NOP10: variants seen among roughly 807,000 people sequenced by gnomAD.
NOP10 encodes the protein NOP10 ribonucleoprotein, also known as H/ACA ribonucleoprotein complex subunit 3.
In NOP10, 6 loss-of-function variants were observed where a neutral mutation model predicts 9.5. That is an observed-to-expected ratio of 0.63 (90% CI 0.35 to 1.25). NOP10 has a LOEUF of 1.25. NOP10 is among the 50% of genes most tolerant of loss of function. The pLI is 0.03. For missense variants in NOP10, 75 were observed against 81.3 expected, an observed-to-expected ratio of 0.92 and a Z score of 0.30; for synonymous variants, 28 against 30.7, an observed-to-expected ratio of 0.91 and a Z score of 0.29.
At chr15:34,342,916 T>C (rs970800725) in intron 1 of NOP10, 104 bp downstream of exon 1, 21 of 1,117,198 alleles carry the variant, frequency 1.9e-5, no homozygotes, top group Non-Finnish European at 2.9e-5. Flanking sequence ...TTCTGGACTT[T>C]CTGGTTCCCC....
chr15:34,342,056 G>A lies in NOP10; in HGVS notation c.107C>T (p.Ser36Phe). Residue 36 changes from serine to phenylalanine, a missense_variant, in exon 2 of 2, where the codon TCC (serine) becomes TTC (phenylalanine). Coordinates refer to ENST00000328848, the MANE Select transcript of NOP10 (RefSeq NM_018648.4). ...GTGTCGAGAGTATTTGTCATCTGGG[G>A]AGAACCGAGCAGGATGGGCTGAGCA... ...QTCSAHPARF[S>F]PDDKYSRHRI... 6.2e-7 allele frequency: 1 copy of A among 1,614,098 alleles called. No homozygotes were observed. The highest frequency in any genetic ancestry group is 8.5e-7 in the Non-Finnish European group (1 of 1,180,000).
chr15:34,342,564 T>TAA (rs750902937), intron 1 of NOP10, among the ~76,000 whole-genome samples: 26 of 102,736 alleles, frequency 2.5e-4, no homozygotes, highest in Middle Eastern at 4.8e-3. Context: ...TCCCTGTCTT[T>TAA]AAAAAAAAAA....
At position 34,341,935 on chromosome 15, in the gene NOP10, A is replaced by G. The variant is rs375648407; in HGVS notation, c.*33T>C. The stretch of plus-strand genomic sequence containing the variant: ...GGTTACGGAGTCTCCGAGGGGTAAC[A>G]GGTGGCAGAAAAGACATCAGTTTAA... On this transcript the variant is annotated 3_prime_UTR_variant, in exon 2 of 2. Coordinates refer to ENST00000328848, the MANE Select transcript of NOP10 (RefSeq NM_018648.4). The G allele has an allele frequency of 1.2e-5, 19 of 1,611,572 alleles. No homozygotes were observed. The highest frequency in any genetic ancestry group is 1.1e-4 in the African/African-American group (8 of 74,860).
rs1484933751 is a variant in NOP10, at chr15:34,343,012, C to G, written c.54+8G>C. ...CATGCCTATTTACACCCTGTTTTCT[C>G]TCCTCACCTTCAGCGTATAGACTCG... is the stretch of plus-strand genomic sequence containing the variant. On this transcript the variant is annotated splice_region_variant and intron_variant, in intron 1 of 1. Coordinates refer to ENST00000328848, the MANE Select transcript of NOP10 (RefSeq NM_018648.4). 1 of 1,613,368 alleles carries G rather than the reference C, an allele frequency of 6.2e-7. No individual in the cohort carries two copies. The highest frequency in any genetic ancestry group is 1.3e-5 in the African/African-American group (1 of 74,896).
At position 34,343,048 on chromosome 15, in the gene NOP10, T is replaced by C. The variant is rs780995453; in HGVS notation, c.26A>G (p.Glu9Gly). Residue 9 changes from glutamate (E) to glycine (G), a missense_variant, in exon 1 of 2, where the codon GAG becomes GGG. Transcript: ENST00000328848. MFLQYYLN[E>G]QGDRVYTLKK... ...CAGCGTATAGACTCGATCTCCCTGCTCGTTGAGGTAATACTGGAGAAACAT... is the reference window on the plus strand; with the variant it reads ...CAGCGTATAGACTCGATCTCCCTGCCCGTTGAGGTAATACTGGAGAAACAT... 6.2e-7 allele frequency: 1 copy of C among 1,614,142 alleles called. No homozygotes were observed. The highest frequency in any genetic ancestry group is 1.1e-5 in the South Asian group (1 of 91,084).
In NOP10 at chr15:34,341,796, A is replaced by C. The variant is rs886051058; in HGVS notation, c.*172T>G. 49 of 707,862 alleles carry C rather than the reference A, an allele frequency of 6.9e-5. No homozygotes were observed. The Admixed American group carries it at 9.8e-4, about 14-fold the overall frequency. The allele number at this position is 707,862 out of a possible 1,614,324, so 43.8% of individuals were successfully genotyped here. On this transcript the variant is annotated 3_prime_UTR_variant, in exon 2 of 2. Transcript: ENST00000328848. Reference sequence around the variant, plus strand: ...AAAAAAAGTCAAATGTGTTCCCTTTATGGGTGATGCCACCATGATTGCCTC... The same window carrying C: ...AAAAAAAGTCAAATGTGTTCCCTTTCTGGGTGATGCCACCATGATTGCCTC...
intron 1 of NOP10, among the ~76,000 whole-genome samples, chr15:34,342,341 T>C (rs1170356320): frequency 2.0e-5 from 3 of 147,084 alleles, no homozygotes; most frequent in South Asian, 2.2e-4. Context: ...CTGGGCAATA[T>C]GGCGAAACCT....
In NOP10 at chr15:34,343,123, G is replaced by A. The variant is rs554420284; in HGVS notation, c.-50C>T. On this transcript the variant is annotated 5_prime_UTR_variant, in exon 1 of 2. Transcript: ENST00000328848. ...AATTCGGTCCACCGCTCAGTCTGCA[G>A]TGGTCCGCCCGACCGCGTCACGTGT... The A allele has an allele frequency of 5.1e-6, 8 of 1,572,990 alleles. No homozygotes were observed. Among genetic ancestry groups the A allele is most frequent in the Non-Finnish European group, 7.0e-6 (8 of 1,142,342 alleles).
At position 34,342,093 on chromosome 15, in the gene NOP10, C is replaced by G. The variant is rs773341436; in HGVS notation, c.70G>C (p.Gly24Arg). The change falls in exon 2 of 2, where the codon GGA becomes CGA. Residue 24 changes from glycine to arginine, a missense_variant. By Grantham distance (125) the Gly-to-Arg change is moderately radical. Transcript: ENST00000328848. ...GGATGGGCTGAGCAGGTCTGTTGTCCCATCGGGTCAAATTTCTGCTCCAGG... is the reference window on the plus strand; with the variant it reads ...GGATGGGCTGAGCAGGTCTGTTGTCGCATCGGGTCAAATTTCTGCTCCAGG... ...VYTLKKFDPM[G>R]QQTCSAHPAR... The G allele has an allele frequency of 1.2e-6, 2 of 1,613,800 alleles. No individual in the cohort carries two copies.
Position 34,343,103 on chromosome 15 carries a change from G to A in NOP10, c.-30C>T, listed in dbSNP as rs201270793. On this transcript the variant is annotated 5_prime_UTR_variant, in exon 1 of 2. Coordinates refer to ENST00000328848, the MANE Select transcript of NOP10 (RefSeq NM_018648.4). ...GCTTATAAGCCAGCGGTCCCAATTC[G>A]GTCCACCGCTCAGTCTGCAGTGGTC... The A allele has an allele frequency of 2.5e-5, 40 of 1,612,026 alleles. No individual in the cohort carries two copies. The highest frequency in any genetic ancestry group is 3.3e-5 in the Non-Finnish European group (39 of 1,178,134).
rs1045238 is a variant in NOP10, at chr15:34,341,923, C to G, written c.*45G>C. 0.17 allele frequency: 264,893 copies of G among 1,602,948 alleles called. 23,175 individuals are homozygous for G. The highest frequency in any genetic ancestry group is 0.31 in the East Asian group (13,696 of 44,730). ...TCCGAAGAGTTTGGTTACGGAGTCT[C>G]CGAGGGGTAACAGGTGGCAGAAAAG... On this transcript the variant is annotated 3_prime_UTR_variant, in exon 2 of 2. Transcript: ENST00000328848.
chr15:34,341,981 C>A lies in NOP10; in HGVS notation c.182G>T (p.Arg61Leu). 8 of 1,613,956 alleles carry A rather than the reference C, an allele frequency of 5.0e-6. No individual in the cohort carries two copies. Among genetic ancestry groups the A allele is most frequent in the Non-Finnish European group, 6.8e-6 (8 of 1,180,002 alleles). ...TTTAAGGGACCCTCAGAGGACAGGGCGCGGTTGCTGGGTCATGAGCACCTT... is the reference window on the plus strand; with the variant it reads ...TTTAAGGGACCCTCAGAGGACAGGGAGCGGTTGCTGGGTCATGAGCACCTT... ...RFKVLMTQQP[R>L]PVL is the part of the protein sequence containing the mutation. Residue 61 changes from arginine (R) to leucine (L), a missense_variant, in exon 2 of 2, where the codon CGC becomes CTC. By Grantham distance (102) the Arg-to-Leu change is moderately radical (BLOSUM62 -2). Coordinates refer to ENST00000328848, the MANE Select transcript of NOP10 (RefSeq NM_018648.4).
chr15:34,342,344 C>G (rs1358030084), intron 1 of NOP10, among the ~76,000 whole-genome samples: 5 of 151,770 alleles, frequency 3.3e-5, no homozygotes, highest in African/African-American at 1.2e-4. Context: ...GGCAATATGG[C>G]GAAACCTCGT....
rs761222362 is a variant in NOP10, at chr15:34,343,023, C to G, written c.51G>C (p.Leu17=). The G allele has an allele frequency of 2.9e-5, 47 of 1,613,890 alleles. No individual in the cohort carries two copies. Among genetic ancestry groups the G allele is most frequent in the Non-Finnish European group, 3.6e-5 (42 of 1,179,878 alleles). ...ACACCCTGTTTTCTCTCCTCACCTT[C>G]AGCGTATAGACTCGATCTCCCTGCT... The part of the protein sequence containing the change: ...LNEQGDRVYT[L]KKFDPMGQQT... The change falls in exon 1 of 2, where the codon CTG becomes CTC. Residue 17 remains leucine, a synonymous_variant. Coordinates refer to ENST00000328848, the MANE Select transcript of NOP10 (RefSeq NM_018648.4).
Position 34,342,219 on chromosome 15 carries a change from G to T in NOP10, c.55-111C>A, listed in dbSNP as rs542057540. ...GAAGATGCAATGGTCAACTCAAAAA[G>T]TTGTACAAATAAATAGAGAAATATA... is the stretch of plus-strand genomic sequence containing the variant. On this transcript the variant is annotated intron_variant, in intron 1 of 1. Coordinates refer to ENST00000328848, the MANE Select transcript of NOP10 (RefSeq NM_018648.4). 459 of 966,738 alleles carry T rather than the reference G, an allele frequency of 4.7e-4. 8 individuals are homozygous for T. In the South Asian group the frequency reaches 5.9e-3, roughly 12 times the overall value. 59.9% of individuals were successfully genotyped at this position (966,738 alleles called of 1,614,324 possible).
In NOP10 at chr15:34,341,818, C is replaced by T. The variant is rs12818; in HGVS notation, c.*150G>A. On this transcript the variant is annotated 3_prime_UTR_variant, in exon 2 of 2. Coordinates refer to ENST00000328848, the MANE Select transcript of NOP10 (RefSeq NM_018648.4). ...TTTATGGGTGATGCCACCATGATTG[C>T]CTCACACAAGCATAATCAATCGCCA... The T allele has an allele frequency of 1.3e-6, 1 of 789,428 alleles. No individual in the cohort carries two copies. 48.9% of individuals were successfully genotyped at this position (789,428 alleles called of 1,614,324 possible). A position where few individuals can be genotyped will look rare whatever the true frequency, so the allele number is the denominator to read the frequency against.
chr15:34,342,277 C>G (rs1487573539), intron 1 of NOP10, among the ~76,000 whole-genome samples, 169 bp from the exon 2 acceptor site: 2 of 152,022 alleles, frequency 1.3e-5, no homozygotes, highest in Non-Finnish European at 2.9e-5. Flanking sequence ...GTGGCTCACG[C>G]CTGTAATCCT....
At position 34,341,936 on chromosome 15, in the gene NOP10, G is replaced by A. The variant is rs370853886; in HGVS notation, c.*32C>T. On this transcript the variant is annotated 3_prime_UTR_variant, in exon 2 of 2. Transcript: ENST00000328848. ...GTTACGGAGTCTCCGAGGGGTAACAGGTGGCAGAAAAGACATCAGTTTAAG... is the reference window on the plus strand; with the variant it reads ...GTTACGGAGTCTCCGAGGGGTAACAAGTGGCAGAAAAGACATCAGTTTAAG... 4.3e-5 allele frequency: 70 copies of A among 1,611,742 alleles called. No individual in the cohort carries two copies. The highest frequency in any genetic ancestry group is 5.7e-5 in the Non-Finnish European group (67 of 1,179,218).
chr15:34,342,949 G>GT (rs1369735588), intron 1 of NOP10, 71 bp downstream of exon 1: 9 of 1,410,632 alleles, frequency 6.4e-6, no homozygotes, highest in Non-Finnish European at 8.0e-6. Context: ...GTAACTCCAC[G>GT]TATGACCTCA....
Sources: allele counts gnomAD v4.1 joint callset (sites outside exome capture counted in the v4.1 genomes callset), GRCh38; gene constraint gnomAD v4.1.1; transcripts MANE v1.5; gene names NCBI Gene and HGNC (gene_info 2026-07-23, HGNC 2026-07-21).